The following PTPN2 variants were observed in gnomAD, a reference collection of about 807,000 sequenced individuals.
PTPN2 encodes the protein tyrosine-protein phosphatase non-receptor type 2.
In PTPN2, 19 loss-of-function variants were observed where a neutral mutation model predicts 57.3. That is an observed-to-expected ratio of 0.33 (90% CI 0.23 to 0.49). The LOEUF (loss-of-function observed/expected upper bound fraction) is 0.49. Among genes scored for constraint, PTPN2 ranks in the 20% least tolerant of loss-of-function variants. The pLI, the probability that PTPN2 is intolerant of heterozygous loss-of-function variation, is 0.99. For synonymous variants in PTPN2, 153 were observed against 164.9 expected (o/e 0.93, Z 0.55); for missense variants, 358 against 501.1 (o/e 0.71, Z 2.73).
chr18:12,878,316 C>T (rs2044559119), intron 1 of PTPN2, among the ~76,000 whole-genome samples: 2 of 138,088 alleles, frequency 1.4e-5, no homozygotes, highest in South Asian at 4.6e-4. Flanking sequence ...GACCCAGTCT[C>T]AAAAAGAAAA....
intron 1 of PTPN2, among the ~76,000 whole-genome samples, chr18:12,871,553 C>T (rs1157368118): frequency 7.3e-6 from 1 of 137,080 alleles, no homozygotes; most frequent in African/African-American, 3.3e-5. Flanking sequence ...TATCTTTTGA[C>T]CTTTATGGTA....
chr18:12,864,361 T>A (rs2145490661), intron 1 of PTPN2, among the ~76,000 whole-genome samples: 1 of 151,998 alleles, frequency 6.6e-6, no homozygotes, highest in South Asian at 2.1e-4. Context: ...ATAGCTTATC[T>A]CCATGCCCAA....
chr18:12,805,621 G>GACAAAGAT (rs1363382177), intron 7 of PTPN2, among the ~76,000 whole-genome samples: 1 of 149,746 alleles, frequency 6.7e-6, no homozygotes, highest in Non-Finnish European at 1.5e-5. Context: ...TCTGGAACAA[G>GACAAAGAT]ACAAAGATGC....
At chr18:12,860,949 T>G (rs2043786477) in intron 1 of PTPN2, among the ~76,000 whole-genome samples, 1 of 152,204 alleles carries the variant, frequency 6.6e-6, no homozygotes, top group African/African-American at 2.4e-5. Context: ...AATTAAATTA[T>G]GCTTTTGCTC....
At chr18:12,805,440 G>C (rs2041608675) in intron 7 of PTPN2, among the ~76,000 whole-genome samples, 1 of 148,706 alleles carries the variant, frequency 6.7e-6, no homozygotes, top group Non-Finnish European at 1.5e-5. Context: ...CTGGGCAACA[G>C]AGCAAGACTC....
At chr18:12,868,253 T>G (rs528381639) in intron 1 of PTPN2, among the ~76,000 whole-genome samples, 50 of 150,372 alleles carry the variant, frequency 3.3e-4, no homozygotes, top group Middle Eastern at 6.8e-3. Context: ...TTGTTTTTTG[T>G]TTTTTTTTGA....
intron 3 of PTPN2, among the ~76,000 whole-genome samples, chr18:12,832,473 A>C (rs1056819684): frequency 3.9e-5 from 6 of 152,176 alleles, no homozygotes; most frequent in African/African-American, 1.4e-4. Context: ...ATACTCAATA[A>C]ATATTACTTA....
chr18:12,845,466 T>C (rs965051622), intron 2 of PTPN2, among the ~76,000 whole-genome samples: 12 of 152,202 alleles, frequency 7.9e-5, no homozygotes, highest in South Asian at 2.1e-4. Flanking sequence ...AACAATGTGT[T>C]TTTAATCTTG....
At chr18:12,873,384 C>T (rs1367672758) in intron 1 of PTPN2, among the ~76,000 whole-genome samples, 2 of 152,226 alleles carry the variant, frequency 1.3e-5, no homozygotes, top group East Asian at 1.9e-4. Flanking sequence ...CTGCAACCTC[C>T]CTGCCTGATT....
intron 3 of PTPN2, among the ~76,000 whole-genome samples, chr18:12,833,341 G>C (rs1328908642): frequency 6.6e-6 from 1 of 152,198 alleles, no homozygotes; most frequent in Non-Finnish European, 1.5e-5. Flanking sequence ...CTAGATGCAA[G>C]GCCAAGAGCT....
chr18:12,843,964 A>C (rs1598835164), intron 2 of PTPN2: 1 of 151,832 alleles, frequency 6.6e-6, no homozygotes, highest in Admixed American at 6.6e-5. Context: ...TCCCCATTCC[A>C]CCCCTAACCA....
At chr18:12,815,908 G>A (rs892114253) in intron 6 of PTPN2, among the ~76,000 whole-genome samples, 1 of 152,172 alleles carries the variant, frequency 6.6e-6, no homozygotes, top group African/African-American at 2.4e-5. Context: ...TGGCAGTCAT[G>A]GTGGAAAGCA....
intron 1 of PTPN2, among the ~76,000 whole-genome samples, chr18:12,883,360 G>A (rs952714722): frequency 3.3e-5 from 5 of 152,232 alleles, no homozygotes; most frequent in Non-Finnish European, 7.3e-5. Flanking sequence ...ACCCACGCTG[G>A]GCGCTGCTGG....
At chr18:12,876,555 C>T (rs893354984) in intron 1 of PTPN2, among the ~76,000 whole-genome samples, 9 of 152,152 alleles carry the variant, frequency 5.9e-5, no homozygotes, top group Non-Finnish European at 8.8e-5. Context: ...TCTGGATTTC[C>T]GTAATTATAG....
intron 1 of PTPN2, among the ~76,000 whole-genome samples, chr18:12,867,872 G>C (rs1467642937): frequency 6.6e-6 from 1 of 152,054 alleles, no homozygotes; most frequent in Non-Finnish European, 1.5e-5. Flanking sequence ...ACCTGCTCTT[G>C]TATTTGGACA....
chr18:12,875,747 T>G (rs569742604), intron 1 of PTPN2, among the ~76,000 whole-genome samples: 1 of 152,238 alleles, frequency 6.6e-6, no homozygotes, highest in African/African-American at 2.4e-5. Context: ...TCTCTCTGGT[T>G]TATCTGGACT....
intron 4 of PTPN2, among the ~76,000 whole-genome samples, chr18:12,830,325 GT>G (rs2042628040): frequency 6.6e-6 from 1 of 152,070 alleles, no homozygotes; most frequent in African/African-American, 2.4e-5. Context: ...TAGAGACGGG[GT>G]TTCACCATGT....
At chr18:12,860,202 T>C (rs963963957) in intron 1 of PTPN2, among the ~76,000 whole-genome samples, 5 of 151,606 alleles carry the variant, frequency 3.3e-5, no homozygotes, top group African/African-American at 9.7e-5. Context: ...GGCAGAAGAA[T>C]TGCTTGAACC....
rs532528028 is a variant in PTPN2, at chr18:12,800,738, T to A, written c.1040+1232A>T. Among the ~76,000 whole-genome samples, 4 of 152,274 alleles carry A rather than the reference T, an allele frequency of 2.6e-5. No individual in the cohort carries two copies. The South Asian group carries it at 6.2e-4, about 24-fold the overall frequency. ...TATAACCACAAGATAAAATTCCCCA[T>A]GATAAGAAGTATATTTGGCAAAAAG... On this transcript the variant is annotated intron_variant, in intron 8 of 8. Transcript: ENST00000309660.
Sources: allele counts gnomAD v4.1 joint callset (sites outside exome capture counted in the v4.1 genomes callset), GRCh38; gene constraint gnomAD v4.1.1; transcripts MANE v1.5; gene names NCBI Gene and HGNC (gene_info 2026-07-23, HGNC 2026-07-21).